The following LARGE1 variants were observed in gnomAD, a reference collection of about 807,000 sequenced individuals.
The protein encoded by LARGE1 is LARGE xylosyl- and glucuronyltransferase 1, also known as xylosyl- and glucuronyltransferase LARGE1.
A neutral mutation model predicts 87.6 loss-of-function variants in LARGE1; 43 were observed. The observed-to-expected ratio is 0.49, with a 90% CI of 0.38 to 0.63. The LOEUF is 0.63. LARGE1 is among the 30% of genes least tolerant of loss of function. The pLI is 0.00. For synonymous variants in LARGE1, 434 were observed against 394.6 expected (o/e 1.10, Z -1.18); for missense variants, 802 against 1,000.2 (o/e 0.80, Z 2.67).
intron 6 of LARGE1, among the ~76,000 whole-genome samples, chr22:33,442,037 C>T (rs1480159475): frequency 6.6e-6 from 1 of 152,166 alleles, no homozygotes; most frequent in East Asian, 1.9e-4. Context: ...AGGGATAATC[C>T]CTTCTGAGAG....
intron 2 of LARGE1, among the ~76,000 whole-genome samples, chr22:33,655,559 T>C (rs2080935529): frequency 6.6e-6 from 1 of 152,156 alleles, no homozygotes; most frequent in African/African-American, 2.4e-5. Flanking sequence ...TCCATAATCA[T>C]GCAAGCCAAT....
At chr22:33,782,205 A>G (rs897210443) in intron 1 of LARGE1, among the ~76,000 whole-genome samples, 2 of 152,200 alleles carry the variant, frequency 1.3e-5, no homozygotes, top group Admixed American at 6.5e-5. Flanking sequence ...AAATGTTTAA[A>G]GCACTAAAAT....
In LARGE1 at chr22:33,254,033, G is replaced by A. The variant is rs554255938; in HGVS notation, c.1730+50196C>T. On this transcript the variant is annotated intron_variant, in intron 11 of 11. Coordinates refer to the LARGE1 transcript ENST00000608642. ...GACCAAGTTCTAGCCAATAAGATGCGTGGGAATAAGTGAAAGCTACCCAAA... is the reference window on the plus strand; with the variant it reads ...GACCAAGTTCTAGCCAATAAGATGCATGGGAATAAGTGAAAGCTACCCAAA... Among the ~76,000 whole-genome samples the A allele has an allele frequency of 3.1e-4, 47 of 152,146 alleles. No homozygotes were observed. In the South Asian group the frequency reaches 4.4e-3, roughly 14 times the overall value.
At chr22:33,579,401 T>G (rs929611270) in intron 5 of LARGE1, among the ~76,000 whole-genome samples, 3 of 152,226 alleles carry the variant, frequency 2.0e-5, no homozygotes, top group African/African-American at 4.8e-5. Flanking sequence ...TTGTAAATTG[T>G]CCAGTCTTGG....
intron 6 of LARGE1, among the ~76,000 whole-genome samples, chr22:33,486,162 G>C (rs2069563697): frequency 6.6e-6 from 1 of 152,204 alleles, no homozygotes; most frequent in African/African-American, 2.4e-5. Context: ...GGGTGATCCA[G>C]GGCATGTGGC....
intron 7 of LARGE1, among the ~76,000 whole-genome samples, chr22:33,405,895 G>T (rs549093044): frequency 6.6e-6 from 1 of 152,066 alleles, no homozygotes; most frequent in Non-Finnish European, 1.5e-5. Context: ...CTGTGGTTAC[G>T]TTAACTCATT....
chr22:33,110,774 T>C, the LARGE1 span: 1 of 152,214 alleles, frequency 6.6e-6, no homozygotes, highest in African/African-American at 2.4e-5. Flanking sequence ...TTGTTTACCA[T>C]CTGGCAGGAG....
At chr22:33,622,026 T>C (rs924245932) in intron 4 of LARGE1, among the ~76,000 whole-genome samples, 3 of 152,166 alleles carry the variant, frequency 2.0e-5, no homozygotes, top group Admixed American at 6.5e-5. Flanking sequence ...ATACAGGGAA[T>C]TGAGGCCCTG....
chr22:33,728,150 A>C (rs2083327813), intron 2 of LARGE1, among the ~76,000 whole-genome samples: 1 of 151,928 alleles, frequency 6.6e-6, no homozygotes. Context: ...AGTAGCCCCA[A>C]CTCCACTTGT....
At chr22:33,291,251 G>A (rs571266457) in intron 12 of LARGE1, among the ~76,000 whole-genome samples, 89 of 152,282 alleles carry the variant, frequency 5.8e-4, no homozygotes, top group African/African-American at 2.0e-3. Flanking sequence ...CCTTCACAGT[G>A]AGTGAAGACC....
chr22:33,753,095 C>G (rs757449788), intron 2 of LARGE1, among the ~76,000 whole-genome samples: 2 of 152,128 alleles, frequency 1.3e-5, no homozygotes, highest in Admixed American at 6.6e-5. Flanking sequence ...TGGCACGTGC[C>G]TGTAATCCCA....
chr22:33,237,942 A>C lies in LARGE1; in HGVS notation c.1730+66287T>G, dbSNP rs1316071747. ...GAAAGGGAGTGGAGGCTGACATCACATTCAGAGGCTGTATTTTAAGATGAA... is the reference window on the plus strand; with the variant it reads ...GAAAGGGAGTGGAGGCTGACATCACCTTCAGAGGCTGTATTTTAAGATGAA... On this transcript the variant is annotated intron_variant, in intron 11 of 11. Transcript: ENST00000608642. 2.0e-5 allele frequency among the ~76,000 whole-genome samples: 3 copies of C among 152,368 alleles called. No individual in the cohort carries two copies. The East Asian group carries it at 5.8e-4, about 29-fold the overall frequency.
chr22:33,387,435 A>AG (rs1214071661), intron 7 of LARGE1, among the ~76,000 whole-genome samples: 15 of 151,342 alleles, frequency 9.9e-5, no homozygotes, highest in African/African-American at 3.1e-4. Flanking sequence ...TCAAAAAAAA[A>AG]AAAAAAAAAA....
Position 33,774,573 on chromosome 22 carries a change from G to A in LARGE1, c.-82-13015C>T, listed in dbSNP as rs970274855. Among the ~76,000 whole-genome samples the A allele has an allele frequency of 9.9e-5, 15 of 152,126 alleles. 1 individual carries two copies. Among genetic ancestry groups the A allele is most frequent in the African/African-American group, 1.4e-4 (6 of 41,422 alleles). ...GGGTTTCACCATGTTGGCCAGGCTG[G>A]TCTCGAACTCCTGACCTCAGGTGAT... On this transcript the variant is annotated intron_variant, in intron 1 of 14. Coordinates refer to ENST00000397394, the MANE Select transcript of LARGE1 (RefSeq NM_133642.5).
chr22:33,182,796 C>A (rs1045012610), intron 11 of LARGE1, among the ~76,000 whole-genome samples: 1 of 152,062 alleles, frequency 6.6e-6, no homozygotes, highest in Non-Finnish European at 1.5e-5. Context: ...TTATCTGACA[C>A]CATATACAAA....
chr22:33,538,832 T>C (rs777911923), intron 6 of LARGE1, among the ~76,000 whole-genome samples: 3 of 152,216 alleles, frequency 2.0e-5, no homozygotes, highest in Non-Finnish European at 4.4e-5. Context: ...TCCTCTCTGA[T>C]TGCTGGCAAG....
chr22:33,761,525 A>G lies in LARGE1; in HGVS notation c.-49T>C. ...ATCCCAGCGCCGTTTCTCTGTCCGG[A>G]GCATGAAGTCCTCGGCCTCCCTCAT... On this transcript the variant is annotated 5_prime_UTR_variant, in exon 2 of 15. Transcript: ENST00000397394. 2.1e-6 allele frequency: 3 copies of G among 1,449,518 alleles called. No individual in the cohort carries two copies. Among genetic ancestry groups the G allele is most frequent in the African/African-American group, 1.4e-5 (1 of 71,794 alleles). 89.8% of individuals were successfully genotyped at this position (1,449,518 alleles called of 1,614,324 possible). A position where few individuals can be genotyped will look rare whatever the true frequency, so the allele number is the denominator to read the frequency against.
At chr22:33,830,593 C>T (rs1053375564) in intron 1 of LARGE1, among the ~76,000 whole-genome samples, 3 of 152,298 alleles carry the variant, frequency 2.0e-5, no homozygotes, top group Middle Eastern at 3.4e-3. Flanking sequence ...CTAACTCCTA[C>T]GGTTACTGTG....
chr22:33,624,750 T>C (rs2079869552), intron 4 of LARGE1, among the ~76,000 whole-genome samples: 1 of 152,188 alleles, frequency 6.6e-6, no homozygotes, highest in African/African-American at 2.4e-5. Flanking sequence ...AGAAATCAGA[T>C]GTGCCTGTTT....
Sources: gnomAD v4.1 joint callset for allele counts (sites outside exome capture counted in the v4.1 genomes callset) on GRCh38, gnomAD v4.1.1 for gene constraint, MANE v1.5 for transcripts, NCBI Gene and HGNC (gene_info 2026-07-23, HGNC 2026-07-21) for gene names.